The following DNAH5 variants were observed in gnomAD, a reference collection of about 807,000 sequenced individuals.
DNAH5 encodes the protein dynein axonemal heavy chain 5.
DNAH5 carries 372 observed loss-of-function variants against 518.2 expected under a neutral mutation model. The observed-to-expected ratio is 0.72, with a 90% CI of 0.66 to 0.78. DNAH5 has a LOEUF of 0.78. DNAH5 is among the 30% of genes least tolerant of loss of function. The probability of loss-of-function intolerance (pLI) is 0.00; values close to 1 mark genes in which losing one functional copy is unlikely to be tolerated. For synonymous variants in DNAH5, 2,039 were observed against 2,025.9 expected, an observed-to-expected ratio of 1.01 and a Z score of -0.17; for missense variants, 5,523 against 5,687.0, an observed-to-expected ratio of 0.97 and a Z score of 0.93.
intron 1 of DNAH5, among the ~76,000 whole-genome samples, chr5:13,993,973 AGACCTCCTCAGAGGTCG>A (rs1203393179): frequency 6.6e-6 from 1 of 152,238 alleles, no homozygotes; most frequent in African/African-American, 2.4e-5. Context: ...TGAAGACAGC[AGACCTCCTCAGAGGTCG>A]GAAGGAGGAA....
intron 16 of DNAH5, 146 bp downstream of exon 16, chr5:13,894,504 T>G: frequency 1.2e-6 from 1 of 834,622 alleles, no homozygotes; most frequent in Non-Finnish European, 1.9e-6. Context: ...AATTCGCATG[T>G]TTTGGAACAC....
chr5:13,757,488 C>A (rs1157793618), intron 61 of DNAH5, among the ~76,000 whole-genome samples: 1 of 152,100 alleles, frequency 6.6e-6, no homozygotes, highest in Non-Finnish European at 1.5e-5. Context: ...TGATTGTTGG[C>A]CGCATGTATG....
At chr5:13,780,769 G>A (rs2126836276) in intron 53 of DNAH5, 60 bp downstream of exon 53, 1 of 1,583,112 alleles carries the variant, frequency 6.3e-7, no homozygotes, top group South Asian at 1.1e-5. Context: ...AACTTCAGGT[G>A]GCCTCTGAGC....
At chr5:13,971,103 C>G (rs1479618823) in intron 1 of DNAH5, among the ~76,000 whole-genome samples, 1 of 151,902 alleles carries the variant, frequency 6.6e-6, no homozygotes, top group African/African-American at 2.4e-5. Flanking sequence ...ATTTTGCATT[C>G]CTCTAACTGT....
intron 12 of DNAH5, among the ~76,000 whole-genome samples, chr5:13,905,207 T>C (rs1386142079): frequency 6.6e-6 from 1 of 152,212 alleles, no homozygotes; most frequent in African/African-American, 2.4e-5. Flanking sequence ...ATGGTTTAAA[T>C]GTCCTCTCCA....
Position 13,926,101 on chromosome 5 carries a change from C to T in DNAH5, c.277+1993G>A, listed in dbSNP as rs111874979. Among the ~76,000 whole-genome samples the T allele has an allele frequency of 1.0e-3, 155 of 152,302 alleles. 1 individual carries two copies. The highest frequency in any genetic ancestry group is 3.5e-3 in the African/African-American group (145 of 41,560). ...ACTGGACTGCACGGGGAGCTAACAG[C>T]ACCACCATGGAGGGCAGGGACCTAG... On this transcript the variant is annotated intron_variant, in intron 3 of 78. Coordinates refer to ENST00000265104, the MANE Select transcript of DNAH5 (RefSeq NM_001369.3).
rs746445145 is a variant in DNAH5, at chr5:13,700,722, C to T, written c.13641G>A (p.Lys4547=). ...TTGATTCAATGAGTTTCATGTTCCTCTTGTCCCAGCCAGCACCTTCAAGAT... is the reference window on the plus strand; with the variant it reads ...TTGATTCAATGAGTTTCATGTTCCTTTTGTCCCAGCCAGCACCTTCAAGAT... ...GLYLEGAGWD[K]RNMKLIESKP... is the part of the protein sequence containing the mutation. Residue 4547 remains lysine (K), a synonymous_variant, in exon 78 of 79, where the codon AAG becomes AAA. Transcript: ENST00000265104. The T allele has an allele frequency of 2.5e-6, 4 of 1,614,144 alleles. No homozygotes were observed. In the East Asian group the frequency reaches 8.9e-5, roughly 36 times the overall value.
chr5:13,824,169 A>T (rs1316489003), intron 39 of DNAH5, 30 bp downstream of exon 39: 12 of 1,611,396 alleles, frequency 7.4e-6, no homozygotes, highest in Non-Finnish European at 9.3e-6. Flanking sequence ...ATATCCAAGT[A>T]GGTGGAACAC....
chr5:13,810,452 T>G, intron 44 of DNAH5, 192 bp from the exon 45 acceptor site: 2 of 649,846 alleles, frequency 3.1e-6, no homozygotes, highest in Non-Finnish European at 5.4e-6. Context: ...TTAAACATAA[T>G]AGGGTTGGCC....
At chr5:13,720,016 C>A (rs549315581) in intron 71 of DNAH5, among the ~76,000 whole-genome samples, 1 of 151,542 alleles carries the variant, frequency 6.6e-6, no homozygotes, top group South Asian at 2.1e-4. Flanking sequence ...AAATCATCTA[C>A]AAGATCCAGA....
chr5:13,864,361 TGA>T (rs1279770498), intron 28 of DNAH5, 34 bp downstream of exon 28: 21 of 1,609,448 alleles, frequency 1.3e-5, no homozygotes, highest in Non-Finnish European at 1.7e-5. Flanking sequence ...ATAAATCCCA[TGA>T]GACCTTGCAA....
At position 13,780,889 on chromosome 5, in the gene DNAH5, C is replaced by A; in HGVS notation, c.8891G>T (p.Ser2964Ile). 6.2e-7 allele frequency: 1 copy of A among 1,613,822 alleles called. No homozygotes were observed. The highest frequency in any genetic ancestry group is 8.5e-7 in the Non-Finnish European group (1 of 1,179,828). The change falls in exon 53 of 79, where the codon AGC (serine) becomes ATC (isoleucine). Residue 2964 changes from serine (S) to isoleucine (I), a missense_variant. By Grantham distance (142) the Ser-to-Ile change is moderately radical (BLOSUM62 -2). Coordinates refer to ENST00000265104, the MANE Select transcript of DNAH5 (RefSeq NM_001369.3). ...LVGVGGSGKQ[S>I]LTRLASFIAG... Reference sequence around the variant, plus strand: ...AATGAATGAAGCCAACCTCGTCAGGCTCTGCTTTCCTGATCCGCCCACCCC... The same window carrying A: ...AATGAATGAAGCCAACCTCGTCAGGATCTGCTTTCCTGATCCGCCCACCCC...
At chr5:13,802,089 T>C (rs1217396792) in intron 47 of DNAH5, among the ~76,000 whole-genome samples, 2 of 152,190 alleles carry the variant, frequency 1.3e-5, no homozygotes, top group African/African-American at 4.8e-5. Context: ...ATTAAGTCTC[T>C]AGCAAGGACT....
intron 22 of DNAH5, among the ~76,000 whole-genome samples, 182 bp downstream of exon 22, chr5:13,876,502 C>G (rs1770908452): frequency 6.6e-6 from 1 of 152,176 alleles, no homozygotes; most frequent in South Asian, 2.1e-4. Context: ...TTTTTTTTCA[C>G]CTTGCAATCT....
chr5:13,932,421 G>T (rs1036288809), intron 1 of DNAH5: 20 of 152,124 alleles, frequency 1.3e-4, no homozygotes, highest in African/African-American at 4.8e-4. Context: ...AGGAGGGTTG[G>T]TCATACTCCT....
upstream of DNAH5, among the ~76,000 whole-genome samples, chr5:13,947,407 A>T (rs1376872711): frequency 6.6e-6 from 1 of 152,162 alleles, no homozygotes; most frequent in Non-Finnish European, 1.5e-5. Flanking sequence ...GACATCAGAT[A>T]TTTTGTCTCC....
At chr5:13,922,073 A>T in intron 5 of DNAH5, 34 bp downstream of exon 5, 1 of 1,604,884 alleles carries the variant, frequency 6.2e-7, no homozygotes, top group Non-Finnish European at 8.5e-7. Flanking sequence ...TGACCACCTG[A>T]TCATTTTTAA....
chr5:13,754,266 C>T lies in DNAH5; in HGVS notation c.10492G>A (p.Gly3498Ser), dbSNP rs746489907. The change falls in exon 62 of 79, where the codon GGT becomes AGT. Residue 3498 changes from glycine to serine, a missense_variant. Physicochemically the swap from Gly to Ser is moderately conservative, Grantham distance 56. Coordinates refer to ENST00000265104, the MANE Select transcript of DNAH5 (RefSeq NM_001369.3). ...TGCTCTGTCCATCTTTCTTTTTCAC[C>T]TGCCAAGCCACTGATGAGCGTGGAA... ...TASTLISGLA[G>S]EKERWTEQSQ... The T allele has an allele frequency of 1.9e-6, 3 of 1,614,102 alleles. No homozygotes were observed. The highest frequency in any genetic ancestry group is 2.2e-5 in the East Asian group (1 of 44,876).
chr5:13,737,911 A>G (rs1370342122), intron 65 of DNAH5, among the ~76,000 whole-genome samples: 1 of 152,092 alleles, frequency 6.6e-6, no homozygotes, highest in Non-Finnish European at 1.5e-5. Context: ...AAATACAAAA[A>G]AATTATCTGG....
Sources: gnomAD v4.1 joint callset for allele counts (sites outside exome capture counted in the v4.1 genomes callset) on GRCh38, gnomAD v4.1.1 for gene constraint, MANE v1.5 for transcripts, NCBI Gene and HGNC (gene_info 2026-07-23, HGNC 2026-07-21) for gene names.